RBM47: variants seen among roughly 807,000 people sequenced by gnomAD.
The protein encoded by RBM47 is RNA binding motif protein 47.
A neutral mutation model predicts 47.1 loss-of-function variants in RBM47; 21 were observed. That is an observed-to-expected ratio of 0.45 (90% CI 0.32 to 0.64). The LOEUF is 0.64. Among genes scored for constraint, RBM47 ranks in the 30% least tolerant of loss-of-function variants. The pLI, the probability that RBM47 is intolerant of heterozygous loss-of-function variation, is 0.05. For missense variants in RBM47, 708 were observed against 870.9 expected, an observed-to-expected ratio of 0.81 and a Z score of 2.35; for synonymous variants, 375 against 361.7, an observed-to-expected ratio of 1.04 and a Z score of -0.42.
rs1482193435 is a variant in RBM47 at position 40,499,673 on chromosome 4, G to A, written c.-154-32974C>T. ...TCCTGCTGCCTCAGCCTCCCAAAGTGCTGGGATAACAGGCATGAGGCACCG... is the reference window on the plus strand; with the variant it reads ...TCCTGCTGCCTCAGCCTCCCAAAGTACTGGGATAACAGGCATGAGGCACCG... On this transcript the variant is annotated intron_variant, in intron 2 of 6. Transcript: ENST00000295971. Among the ~76,000 whole-genome samples the A allele has an allele frequency of 2.6e-5, 4 of 152,288 alleles. No homozygotes were observed. The East Asian group carries it at 7.7e-4, about 29-fold the overall frequency.
chr4:40,470,910 TTTTTGTA>T (rs1208523153), intron 2 of RBM47, among the ~76,000 whole-genome samples: 7 of 152,130 alleles, frequency 4.6e-5, no homozygotes, highest in Non-Finnish European at 7.4e-5. Flanking sequence ...ACCTGGCTAA[TTTTTGTA>T]TTTTTAGTAG....
chr4:40,500,180 G>A (rs1268256995), intron 2 of RBM47, among the ~76,000 whole-genome samples: 1 of 152,184 alleles, frequency 6.6e-6, no homozygotes, highest in Non-Finnish European at 1.5e-5. Context: ...GGGTGTGGTG[G>A]TGCATGCCTG....
chr4:40,508,898 C>T (rs553159971), intron 2 of RBM47, among the ~76,000 whole-genome samples: 24 of 152,308 alleles, frequency 1.6e-4, no homozygotes, highest in African/African-American at 4.6e-4. Context: ...CAGTGGCTCA[C>T]GCCTGTAATC....
At chr4:40,600,856 G>A (rs1735201099) in intron 1 of RBM47, among the ~76,000 whole-genome samples, 1 of 151,100 alleles carries the variant, frequency 6.6e-6, no homozygotes, top group African/African-American at 2.4e-5. Context: ...GTGGTGCCAG[G>A]CACCTGTAAT....
intron 3 of RBM47, among the ~76,000 whole-genome samples, chr4:40,442,088 A>AT (rs913005674): frequency 1.2e-4 from 18 of 151,880 alleles, no homozygotes; most frequent in African/African-American, 3.4e-4. Flanking sequence ...GTTTTCTTCT[A>AT]TTTTTTCAGT....
chr4:40,556,603 A>G (rs977315823), intron 1 of RBM47, among the ~76,000 whole-genome samples: 2 of 152,138 alleles, frequency 1.3e-5, no homozygotes, highest in Non-Finnish European at 2.9e-5. Context: ...AGATTATACT[A>G]TGAGGGCCAG....
chr4:40,512,754 G>A (rs1418168455), intron 2 of RBM47, among the ~76,000 whole-genome samples: 1 of 151,026 alleles, frequency 6.6e-6, no homozygotes, highest in Non-Finnish European at 1.5e-5. Context: ...GAAAAAAAAG[G>A]AAAGAAAAGA....
At position 40,537,457 on chromosome 4, in the gene RBM47, G is replaced by T. The variant is rs35789351; in HGVS notation, c.-155+6965C>A. The stretch of plus-strand genomic sequence containing the variant: ...TTTGTAGAGATAGGGTTTCACCATT[G>T]CCCAGGCTGGTCTTGAACCCCTGGG... On this transcript the variant is annotated intron_variant, in intron 2 of 6. Transcript: ENST00000295971. Among the ~76,000 whole-genome samples the T allele has an allele frequency of 3.0e-3, 450 of 152,104 alleles. 1 individual carries two copies. Among genetic ancestry groups the T allele is most frequent in the Middle Eastern group, 0.01 (3 of 294 alleles).
chr4:40,437,198 AT>A (rs5857729), intron 4 of RBM47, among the ~76,000 whole-genome samples: 54,366 of 136,132 alleles, frequency 0.4, 13,905 homozygotes, highest in South Asian at 0.64. Context: ...CTATTAAATA[AT>A]TTTTTTTAAA....
At chr4:40,437,710 G>GC in intron 4 of RBM47, 61 bp downstream of exon 4, 2 of 1,469,582 alleles carry the variant, frequency 1.4e-6, no homozygotes, top group South Asian at 1.3e-5. Flanking sequence ...TATCCCTGGT[G>GC]CCCCCTGCCT....
intron 2 of RBM47, among the ~76,000 whole-genome samples, chr4:40,493,536 C>T (rs1722179268): frequency 1.3e-5 from 2 of 152,164 alleles, no homozygotes; most frequent in South Asian, 4.1e-4. Flanking sequence ...GTAATCACAG[C>T]ACTTTGGGAG....
chr4:40,454,740 C>T (rs111822925), intron 3 of RBM47, among the ~76,000 whole-genome samples: 3 of 152,262 alleles, frequency 2.0e-5, no homozygotes, highest in Admixed American at 1.3e-4. Context: ...TCAGGTGATC[C>T]GCCCACCTCA....
At chr4:40,535,375 T>TTTTTTTTTTTTTTTCTTTTTTTC (rs1560452336) in intron 2 of RBM47, among the ~76,000 whole-genome samples, 3 of 134,196 alleles carry the variant, frequency 2.2e-5, no homozygotes, top group South Asian at 2.5e-4. Flanking sequence ...GTATTTCTTT[T>TTTTTTTTTTTTTTTCTTTTTTTC]TTTTTTTTTT....
chr4:40,531,346 T>C (rs563030426), intron 2 of RBM47, among the ~76,000 whole-genome samples: 1 of 151,754 alleles, frequency 6.6e-6, no homozygotes, highest in African/African-American at 2.4e-5. Context: ...GAGTATGGGG[T>C]TCTCTGTATA....
chr4:40,475,629 T>C (rs1719492662), intron 2 of RBM47: 3 of 152,238 alleles, frequency 2.0e-5, no homozygotes. Context: ...CTGATCTAAA[T>C]TGCTTTAACC....
intron 2 of RBM47, among the ~76,000 whole-genome samples, chr4:40,530,753 A>C (rs1727309729): frequency 6.6e-6 from 1 of 152,196 alleles, no homozygotes; most frequent in African/African-American, 2.4e-5. Context: ...TATGGCAAAA[A>C]CCACTATGAT....
At position 40,586,665 on chromosome 4, in the gene RBM47, G is replaced by C. The variant is rs543383486; in HGVS notation, c.-239-42159C>G. 2.1e-3 allele frequency among the ~76,000 whole-genome samples: 313 copies of C among 151,200 alleles called. 2 individuals carry two copies. The Middle Eastern group carries it at 0.024, about 12-fold the overall frequency. ...AGAATGGGACTCCTGAGAACAGGCA[G>C]GCAGGGGCAATGGTAATTGATGAGC... On this transcript the variant is annotated intron_variant, in intron 1 of 6. Coordinates refer to ENST00000295971, the MANE Select transcript of RBM47 (RefSeq NM_001098634.2).
intron 2 of RBM47, among the ~76,000 whole-genome samples, chr4:40,522,446 A>G (rs1726288715): frequency 6.6e-6 from 1 of 152,204 alleles, no homozygotes; most frequent in Non-Finnish European, 1.5e-5. Flanking sequence ...CAGAGGGTGC[A>G]GTGAACTGAG....
Position 40,438,692 on chromosome 4 carries a change from G to T in RBM47, c.202C>A (p.Gln68Lys). Residue 68 changes from glutamine (Q) to lysine (K), a missense_variant, in exon 4 of 7, where the codon CAG (glutamine) becomes AAG (lysine). Transcript: ENST00000295971. ...PPPGWEGPHP[Q>K]RGCEVFVGKI... ...CCCACGAAGACCTCGCAGCCACGCT[G>T]CGGGTGCGGGCCCTCCCAGCCGGGC... The T allele has an allele frequency of 1.2e-6, 2 of 1,611,312 alleles. No individual in the cohort carries two copies. Among genetic ancestry groups the T allele is most frequent in the Non-Finnish European group, 1.7e-6 (2 of 1,178,972 alleles).
Sources: allele counts gnomAD v4.1 joint callset (sites outside exome capture counted in the v4.1 genomes callset), GRCh38; gene constraint gnomAD v4.1.1; transcripts MANE v1.5; gene names NCBI Gene and HGNC (gene_info 2026-07-23, HGNC 2026-07-21).